The following DGKB variants were observed in gnomAD, a reference collection of about 807,000 sequenced individuals.
DGKB encodes 90 kDa diacylglycerol kinase.
Under a neutral mutation model 114.3 loss-of-function variants are expected in DGKB, and 67 were observed. The ratio of observed to expected loss-of-function variants is 0.59; its 90% CI spans 0.48 to 0.72. The LOEUF (loss-of-function observed/expected upper bound fraction) is 0.72. Among genes scored for constraint, DGKB ranks in the 30% least tolerant of loss-of-function variants. The pLI, the probability that DGKB is intolerant of heterozygous loss-of-function variation, is 0.00. For synonymous variants in DGKB, 398 were observed against 323.1 expected (o/e 1.23, Z -2.49); for missense variants, 907 against 975.2 (o/e 0.93, Z 0.93).
intron 21 of DGKB, among the ~76,000 whole-genome samples, chr7:14,396,528 G>T (rs572288527): frequency 6.6e-6 from 1 of 152,234 alleles, no homozygotes; most frequent in South Asian, 2.1e-4. Context: ...CCTCAAAGCT[G>T]AAAACTCCAC....
intron 9 of DGKB, among the ~76,000 whole-genome samples, chr7:14,687,062 T>C (rs762437618): frequency 1.2e-4 from 19 of 152,148 alleles, no homozygotes; most frequent in Non-Finnish European, 2.5e-4. Context: ...TTTTCTTAAG[T>C]CAGGGTTTCC....
At chr7:14,842,474 C>T (rs561144584) in intron 1 of DGKB, among the ~76,000 whole-genome samples, 1 of 152,276 alleles carries the variant, frequency 6.6e-6, no homozygotes, top group African/African-American at 2.4e-5. Flanking sequence ...TTGATGTGCT[C>T]ACAGAGACCA....
At position 14,736,198 on chromosome 7, in the gene DGKB, G is replaced by T. The variant is rs56288033; in HGVS notation, c.169-4C>A. On this transcript the variant is annotated splice_region_variant and splice_polypyrimidine_tract_variant and intron_variant, in intron 4 of 25. Transcript: ENST00000402815. Reference sequence around the variant, plus strand: ...TGAAACCTTCAAAATCTATTGTCTGGAAAAAAAAAATGTAAACATGTATTT... The same window carrying T: ...TGAAACCTTCAAAATCTATTGTCTGTAAAAAAAAAATGTAAACATGTATTT... 32 of 1,161,358 alleles carry T rather than the reference G, an allele frequency of 2.8e-5. No individual in the cohort carries two copies. Among genetic ancestry groups the T allele is most frequent in the Admixed American group, 3.2e-5 (1 of 31,148 alleles). The allele number at this position is 1,161,358 out of a possible 1,614,324, so 71.9% of individuals were successfully genotyped here. A position where few individuals can be genotyped will look rare whatever the true frequency, so the allele number is the denominator to read the frequency against.
At chr7:14,527,674 C>A (rs1173226378) in intron 20 of DGKB, among the ~76,000 whole-genome samples, 1 of 151,974 alleles carries the variant, frequency 6.6e-6, no homozygotes, top group Non-Finnish European at 1.5e-5. Flanking sequence ...GGTTTAAGAT[C>A]TATTTTTCCC....
At chr7:14,781,809 T>A (rs1839139219) in intron 2 of DGKB, among the ~76,000 whole-genome samples, 1 of 152,190 alleles carries the variant, frequency 6.6e-6, no homozygotes, top group South Asian at 2.1e-4. Flanking sequence ...ATTTCACAAG[T>A]TTATATCCTT....
chr7:14,307,733 G>A (rs543029566), intron 23 of DGKB, among the ~76,000 whole-genome samples: 1 of 152,172 alleles, frequency 6.6e-6, no homozygotes, highest in Non-Finnish European at 1.5e-5. Context: ...TAAGTATATA[G>A]TGTGATTTTC....
chr7:14,400,539 T>C (rs943474231), intron 21 of DGKB, among the ~76,000 whole-genome samples: 2 of 151,820 alleles, frequency 1.3e-5, no homozygotes, highest in African/African-American at 4.8e-5. Context: ...CAGAAAGATT[T>C]GTCATTCAGG....
intron 20 of DGKB, among the ~76,000 whole-genome samples, chr7:14,519,168 A>G (rs530448382): frequency 6.6e-6 from 1 of 152,222 alleles, no homozygotes; most frequent in African/African-American, 2.4e-5. Flanking sequence ...TATTTTATAG[A>G]GTTGTGTAAC....
intron 21 of DGKB, among the ~76,000 whole-genome samples, chr7:14,349,692 C>G (rs1349055168): frequency 6.6e-6 from 1 of 152,082 alleles, no homozygotes; most frequent in Non-Finnish European, 1.5e-5. Flanking sequence ...GTATCAGATT[C>G]CACATGACAA....
intron 22 of DGKB, among the ~76,000 whole-genome samples, chr7:14,339,329 G>T (rs988496616): frequency 2.0e-5 from 3 of 152,036 alleles, no homozygotes; most frequent in African/African-American, 7.2e-5. Flanking sequence ...GCCATGAGAG[G>T]CACAGTTGTC....
At position 14,568,607 on chromosome 7, in the gene DGKB, A is replaced by G. The variant is rs192310074; in HGVS notation, c.1770+5605T>C. 3.1e-3 allele frequency among the ~76,000 whole-genome samples: 471 copies of G among 152,252 alleles called. 6 individuals carry two copies. In the Middle Eastern group the frequency reaches 0.085, roughly 27 times the overall value. On this transcript the variant is annotated intron_variant, in intron 20 of 25. Transcript: ENST00000402815. The stretch of plus-strand genomic sequence containing the variant: ...CAACATAGAGCAGAGCCTCTCCCCA[A>G]TTTTTAACCTATCCTGACCTGTCAC...
intron 23 of DGKB, among the ~76,000 whole-genome samples, chr7:14,275,568 G>A (rs1798875985): frequency 6.6e-6 from 1 of 152,164 alleles, no homozygotes; most frequent in Non-Finnish European, 1.5e-5. Context: ...GTCATGTGTG[G>A]AACTTTTAAT....
intron 1 of DGKB, among the ~76,000 whole-genome samples, chr7:14,866,322 T>TA (rs1348693135): frequency 6.6e-6 from 1 of 152,162 alleles, no homozygotes; most frequent in African/African-American, 2.4e-5. Flanking sequence ...TCTATGGGTT[T>TA]GGACAAATGT....
intron 25 of DGKB, among the ~76,000 whole-genome samples, chr7:14,154,144 G>C (rs1032846010): frequency 2.0e-5 from 3 of 148,680 alleles, no homozygotes; most frequent in Admixed American, 6.7e-5. Context: ...AAGGAGTGTG[G>C]ATAATAGATA....
At chr7:14,157,065 T>A (rs964860810) in intron 25 of DGKB, among the ~76,000 whole-genome samples, 1 of 152,168 alleles carries the variant, frequency 6.6e-6, no homozygotes. Context: ...CTGCTTCATC[T>A]CTTTAAGAGT....
At chr7:14,638,672 C>G (rs1294241459) in intron 13 of DGKB, among the ~76,000 whole-genome samples, 1 of 152,098 alleles carries the variant, frequency 6.6e-6, no homozygotes, top group African/African-American at 2.4e-5. Flanking sequence ...GACAGTTTCA[C>G]AAGAAATGTT....
chr7:14,322,754 A>T (rs553978086), intron 23 of DGKB, among the ~76,000 whole-genome samples: 1 of 152,302 alleles, frequency 6.6e-6, no homozygotes, highest in African/African-American at 2.4e-5. Flanking sequence ...AATACCAGTT[A>T]AAAAATAGGC....
At chr7:14,902,083 G>A (rs536068205) in intron 1 of DGKB, among the ~76,000 whole-genome samples, 1 of 152,238 alleles carries the variant, frequency 6.6e-6, no homozygotes, top group Non-Finnish European at 1.5e-5. Context: ...TTGCCTAGCA[G>A]TTATCTAGAG....
chr7:14,921,721 T>C (rs887190753), intron 1 of DGKB, among the ~76,000 whole-genome samples: 1 of 152,166 alleles, frequency 6.6e-6, no homozygotes, highest in Admixed American at 6.5e-5. Flanking sequence ...CTTGGGCTAA[T>C]GTGTTTTGTG....
Sources: allele counts gnomAD v4.1 joint callset (sites outside exome capture counted in the v4.1 genomes callset), GRCh38; gene constraint gnomAD v4.1.1; transcripts MANE v1.5; gene names NCBI Gene and HGNC (gene_info 2026-07-23, HGNC 2026-07-21).